The following CHRM5 variants were observed in gnomAD, a reference collection of about 807,000 sequenced individuals.
CHRM5 encodes cholinergic receptor muscarinic 5, also known as muscarinic acetylcholine receptor M5.
A neutral mutation model predicts 39.0 loss-of-function variants in CHRM5; 18 were observed. The ratio of observed to expected loss-of-function variants is 0.46; its 90% CI spans 0.32 to 0.68. CHRM5 has a LOEUF of 0.68. Among genes scored for constraint, CHRM5 ranks in the 30% least tolerant of loss-of-function variants. The pLI, the probability that CHRM5 is intolerant of heterozygous loss-of-function variation, is 0.04. For missense variants in CHRM5, 515 were observed against 651.1 expected, an observed-to-expected ratio of 0.79 and a Z score of 2.28; for synonymous variants, 241 against 246.3, an observed-to-expected ratio of 0.98 and a Z score of 0.20.
At chr15:33,978,308 G>C (rs1895978126) in intron 1 of CHRM5, among the ~76,000 whole-genome samples, 1 of 152,144 alleles carries the variant, frequency 6.6e-6, no homozygotes, top group African/African-American at 2.4e-5. Context: ...GAAGTCTCTT[G>C]AGTGAGAAAA....
At chr15:34,037,763 C>T (rs1899215986) in intron 1 of CHRM5, among the ~76,000 whole-genome samples, 1 of 151,838 alleles carries the variant, frequency 6.6e-6, no homozygotes, top group African/African-American at 2.4e-5. Flanking sequence ...AAGTTTTATA[C>T]TTTTTTTTCC....
chr15:34,033,967 T>C (rs1357113966), intron 1 of CHRM5, among the ~76,000 whole-genome samples: 5 of 152,174 alleles, frequency 3.3e-5, no homozygotes, highest in Non-Finnish European at 7.3e-5. Flanking sequence ...TTTGTATCTT[T>C]AGTAGAGAGG....
chr15:34,014,061 T>TA (rs1458667981), intron 1 of CHRM5, among the ~76,000 whole-genome samples: 8 of 152,114 alleles, frequency 5.3e-5, no homozygotes, highest in African/African-American at 1.7e-4. Context: ...TGGGAAATTT[T>TA]AAAAAAGAAA....
chr15:33,972,751 G>A (rs922421303), intron 1 of CHRM5, among the ~76,000 whole-genome samples: 2 of 152,164 alleles, frequency 1.3e-5, no homozygotes, highest in African/African-American at 4.8e-5. Flanking sequence ...AAAAGACAAA[G>A]CAGACCAACT....
chr15:34,056,649 G>A lies in CHRM5; in HGVS notation c.-75-5994G>A, dbSNP rs574472321. 3.9e-5 allele frequency among the ~76,000 whole-genome samples: 6 copies of A among 152,248 alleles called. No individual in the cohort carries two copies. In the South Asian group the frequency reaches 1.2e-3, roughly 32 times the overall value. On this transcript the variant is annotated intron_variant, in intron 2 of 2. Coordinates refer to ENST00000383263, the MANE Select transcript of CHRM5 (RefSeq NM_012125.4). ...GCAGACTCTGAGGAAGACTGTGTTA[G>A]CCTCGGCTCTCCTCAAGGTTGTTCT...
At chr15:34,040,700 G>A (rs997231654) in intron 1 of CHRM5, among the ~76,000 whole-genome samples, 4 of 151,940 alleles carry the variant, frequency 2.6e-5, no homozygotes, top group Non-Finnish European at 5.9e-5. Context: ...GGCTGTGGCG[G>A]GTGGATTGCC....
chr15:33,984,038 A>G (rs1896312037), intron 1 of CHRM5, among the ~76,000 whole-genome samples: 2 of 152,168 alleles, frequency 1.3e-5, no homozygotes, highest in Admixed American at 1.3e-4. Flanking sequence ...ACAAATAAGA[A>G]GAGACTAAGG....
intron 2 of CHRM5, among the ~76,000 whole-genome samples, chr15:34,057,861 G>A (rs988163736): frequency 6.6e-6 from 1 of 152,142 alleles, no homozygotes; most frequent in Non-Finnish European, 1.5e-5. Flanking sequence ...GCTGACCAAT[G>A]CCAAATTGTG....
At chr15:34,008,763 C>G (rs920068066) in intron 1 of CHRM5, among the ~76,000 whole-genome samples, 2 of 152,100 alleles carry the variant, frequency 1.3e-5, no homozygotes, top group Non-Finnish European at 2.9e-5. Context: ...GATGGGATTA[C>G]AGGCGTGAGC....
intron 1 of CHRM5, chr15:33,972,362 G>A (rs1275339906): frequency 1.3e-5 from 2 of 152,092 alleles, no homozygotes; most frequent in Non-Finnish European, 1.5e-5. Flanking sequence ...GAAAGACGGT[G>A]TCTCTGAATG....
At chr15:33,974,059 GGT>G in intron 1 of CHRM5, among the ~76,000 whole-genome samples, 1 of 152,206 alleles carries the variant, frequency 6.6e-6, no homozygotes, top group East Asian at 1.9e-4. Flanking sequence ...GATATTATGA[GGT>G]ATGCAAATAC....
chr15:34,038,807 T>G (rs1899301637), intron 1 of CHRM5: 1 of 1,192,184 alleles, frequency 8.4e-7, no homozygotes, highest in African/African-American at 1.6e-5. Flanking sequence ...CGCCCCAGCC[T>G]CCCGGCTCCC....
intron 1 of CHRM5, among the ~76,000 whole-genome samples, chr15:34,017,805 TA>T (rs1898007197): frequency 6.6e-6 from 1 of 152,104 alleles, no homozygotes; most frequent in Non-Finnish European, 1.5e-5. Flanking sequence ...CTAAAATTAT[TA>T]AAAACTCCAT....
intron 1 of CHRM5, among the ~76,000 whole-genome samples, chr15:34,025,841 A>T (rs1898444408): frequency 1.3e-5 from 2 of 152,236 alleles, no homozygotes; most frequent in African/African-American, 4.8e-5. Context: ...GTCCAAACTC[A>T]AGTGATCATC....
intron 1 of CHRM5, among the ~76,000 whole-genome samples, chr15:33,986,781 C>T (rs12913387): frequency 0.23 from 34,657 of 151,562 alleles, 4,471 homozygotes; most frequent in Middle Eastern, 0.41. Flanking sequence ...GTCAGCCGCC[C>T]GAGTAGCTGG....
chr15:34,012,140 T>C (rs1325999325), intron 1 of CHRM5, among the ~76,000 whole-genome samples: 1 of 152,238 alleles, frequency 6.6e-6, no homozygotes, highest in Non-Finnish European at 1.5e-5. Flanking sequence ...AGGTAAAGTC[T>C]ATGAGCTAGA....
chr15:34,061,015 C>CA lies in CHRM5; in HGVS notation c.-75-1613dup, dbSNP rs1381204975. On this transcript the variant is annotated intron_variant, in intron 2 of 2. Coordinates refer to ENST00000383263, the MANE Select transcript of CHRM5 (RefSeq NM_012125.4). ...TGGGCAACAGAGCGAGACTCCGTCT[C>CA]AAAAAAAAAAAAAAAGATTTTTTTT... Among the ~76,000 whole-genome samples, 434 of 77,880 alleles carry CA rather than the reference C, an allele frequency of 5.6e-3. 3 individuals are homozygous for CA. The highest frequency in any genetic ancestry group is 0.011 in the African/African-American group (239 of 21,398). The allele number at this position is 77,880 out of a possible 152,430, so 51.1% of individuals were successfully genotyped here. A position where few individuals can be genotyped will look rare whatever the true frequency, so the allele number is the denominator to read the frequency against.
At chr15:34,052,052 A>G (rs1244592108) in intron 2 of CHRM5, among the ~76,000 whole-genome samples, 1 of 152,168 alleles carries the variant, frequency 6.6e-6, no homozygotes, top group Non-Finnish European at 1.5e-5. Context: ...AAAAAAAGAA[A>G]ACTTCAGGCC....
chr15:33,992,544 A>T (rs1165116395), intron 1 of CHRM5, among the ~76,000 whole-genome samples: 7 of 152,180 alleles, frequency 4.6e-5, no homozygotes, highest in African/African-American at 1.7e-4. Flanking sequence ...AAATTTTTTA[A>T]TTTATAGTTC....
Sources: gnomAD v4.1 joint callset for allele counts (sites outside exome capture counted in the v4.1 genomes callset) on GRCh38, gnomAD v4.1.1 for gene constraint, MANE v1.5 for transcripts, NCBI Gene and HGNC (gene_info 2026-07-23, HGNC 2026-07-21) for gene names.